ARHGAP19: variants seen among roughly 807,000 people sequenced by gnomAD.
ARHGAP19 encodes Rho GTPase activating protein 19, also known as rho GTPase-activating protein 19.
Under a neutral mutation model 60.9 loss-of-function variants are expected in ARHGAP19, and 48 were observed. The ratio of observed to expected loss-of-function variants is 0.79; its 90% CI spans 0.62 to 1.00. The LOEUF is 1.00. Among genes scored for constraint, ARHGAP19 ranks in the 50% least tolerant of loss-of-function variants. The pLI is 0.00. For missense variants in ARHGAP19, 562 were observed against 597.2 expected (o/e 0.94, Z 0.61); for synonymous variants, 209 against 215.5 (o/e 0.97, Z 0.27).
At chr10:97,243,933 T>G (rs1315671458) in intron 8 of ARHGAP19, 35 bp downstream of exon 8, 19 of 1,547,066 alleles carry the variant, frequency 1.2e-5, no homozygotes, top group Non-Finnish European at 1.7e-5. Flanking sequence ...ATTACACTCC[T>G]AAAGCCCCAT....
intron 1 of ARHGAP19, among the ~76,000 whole-genome samples, chr10:97,285,108 G>A (rs940647659): frequency 4.0e-5 from 6 of 151,364 alleles, no homozygotes; most frequent in East Asian, 2.0e-4. Flanking sequence ...CAGGTGATCC[G>A]CCCGCCTCCG....
intron 6 of ARHGAP19, among the ~76,000 whole-genome samples, chr10:97,251,308 A>G (rs1162245740): frequency 2.7e-5 from 1 of 36,586 alleles, no homozygotes; most frequent in Non-Finnish European, 5.1e-5. Flanking sequence ...GGGAAAAGGA[A>G]GGGAAGGGGA....
chr10:97,240,519 T>A (rs1040039216), intron 8 of ARHGAP19, among the ~76,000 whole-genome samples: 3 of 152,132 alleles, frequency 2.0e-5, no homozygotes, highest in Non-Finnish European at 4.4e-5. Flanking sequence ...GGCATGGTGG[T>A]GCTCCACTAT....
Position 97,265,921 on chromosome 10 carries a change from C to A in ARHGAP19, c.261G>T (p.Leu87Phe). Residue 87 changes from leucine (L) to phenylalanine (F), a missense_variant, in exon 2 of 12, where the codon TTG (leucine) becomes TTT (phenylalanine). Leu to Phe is a conservative substitution (Grantham distance 22). Coordinates refer to ENST00000358531, the MANE Select transcript of ARHGAP19 (RefSeq NM_032900.6). The part of the protein sequence containing the change: ...AQLMGEVDLK[L>F]PGGAGPASGF... Reference sequence around the variant, plus strand: ...CTGATGCTGGGCCAGCCCCGCCAGGCAACTTAAGGTCCACTTCCCCCATCA... The same window carrying A: ...CTGATGCTGGGCCAGCCCCGCCAGGAAACTTAAGGTCCACTTCCCCCATCA... The A allele has an allele frequency of 6.2e-7, 1 of 1,614,118 alleles. No homozygotes were observed. The highest frequency in any genetic ancestry group is 8.5e-7 in the Non-Finnish European group (1 of 1,180,010).
chr10:97,274,293 G>A (rs969434896), intron 1 of ARHGAP19, among the ~76,000 whole-genome samples: 2 of 151,936 alleles, frequency 1.3e-5, no homozygotes, highest in African/African-American at 4.8e-5. Flanking sequence ...GTGAAACCCC[G>A]TCTCTACTAA....
rs370419047 is a variant in ARHGAP19, at chr10:97,265,933, C to A, written c.249G>T (p.Val83=). 14 of 1,613,978 alleles carry A rather than the reference C, an allele frequency of 8.7e-6. No homozygotes were observed. The South Asian group carries it at 1.4e-4, about 16-fold the overall frequency. ...CAGCCCCGCCAGGCAACTTAAGGTC[C>A]ACTTCCCCCATCAGCTGAGCCAACT... ...GTELAQLMGE[V]DLKLPGGAGP... The change falls in exon 2 of 12, where the codon GTG becomes GTT. Residue 83 remains valine (V), a synonymous_variant. Transcript: ENST00000358531.
In ARHGAP19 at chr10:97,233,003, G is replaced by T. The variant is rs780689591; in HGVS notation, c.1284+2214C>A. On this transcript the variant is annotated intron_variant, in intron 9 of 11. Transcript: ENST00000358531. Reference sequence around the variant, plus strand: ...TCTCTACTAAAAATACAAAAAATTAGCCGGGCATGGTGGTGGGCGCCTGTA... The same window carrying T: ...TCTCTACTAAAAATACAAAAAATTATCCGGGCATGGTGGTGGGCGCCTGTA... Among the ~76,000 whole-genome samples the T allele has an allele frequency of 2.2e-4, 34 of 152,144 alleles. 1 individual carries two copies. Among genetic ancestry groups the T allele is most frequent in the Non-Finnish European group, 7.4e-5 (5 of 67,980 alleles).
chr10:97,291,385 T>C (rs1040661389), intron 1 of ARHGAP19, among the ~76,000 whole-genome samples: 5 of 152,196 alleles, frequency 3.3e-5, no homozygotes, highest in African/African-American at 1.2e-4. Context: ...CAATGGCGCA[T>C]CTGGGCTCAC....
chr10:97,289,406 A>C (rs1843200492), intron 1 of ARHGAP19, among the ~76,000 whole-genome samples: 1 of 152,164 alleles, frequency 6.6e-6, no homozygotes, highest in African/African-American at 2.4e-5. Flanking sequence ...GAGCCATCGC[A>C]CCTGGCCCAC....
intron 9 of ARHGAP19, among the ~76,000 whole-genome samples, chr10:97,231,979 G>GTTTTTTTTTT (rs142111578): frequency 9.3e-6 from 1 of 107,866 alleles, no homozygotes; most frequent in Admixed American, 9.2e-5. Flanking sequence ...ATTTTCCGTT[G>GTTTTTTTTTT]TTTTTTTTTT....
chr10:97,257,319 G>A (rs750063087), intron 5 of ARHGAP19, among the ~76,000 whole-genome samples: 3 of 122,738 alleles, frequency 2.4e-5, no homozygotes, highest in Admixed American at 9.8e-5. Flanking sequence ...ATAGGGTCTC[G>A]CTTTGTTACC....
intron 1 of ARHGAP19, chr10:97,270,704 G>T: frequency 6.5e-7 from 1 of 1,534,452 alleles, no homozygotes; most frequent in Non-Finnish European, 8.8e-7. Flanking sequence ...TCCTTTCCCT[G>T]CCCCAGCACA....
At chr10:97,260,046 AG>A (rs1277697597) in intron 4 of ARHGAP19, among the ~76,000 whole-genome samples, 9 of 150,200 alleles carry the variant, frequency 6.0e-5, no homozygotes, top group Non-Finnish European at 1.2e-4. Flanking sequence ...CGTGTTAGTC[AG>A]GATGGTCTCG....
At position 97,246,217 on chromosome 10, in the gene ARHGAP19, T is replaced by C. The variant is rs373843112; in HGVS notation, c.993+55A>G. 5.9e-4 allele frequency: 846 copies of C among 1,434,052 alleles called. 4 individuals are homozygous for C. Among genetic ancestry groups the C allele is most frequent in the Middle Eastern group, 2.5e-3 (14 of 5,702 alleles). 88.8% of individuals were successfully genotyped at this position (1,434,052 alleles called of 1,614,324 possible). A position where few individuals can be genotyped will look rare whatever the true frequency, so the allele number is the denominator to read the frequency against. ...TTGACTTCATACTTTGTTTTAAGACTCCACAAATCTTAATGCTCTCCTTGT... is the reference window on the plus strand; with the variant it reads ...TTGACTTCATACTTTGTTTTAAGACCCCACAAATCTTAATGCTCTCCTTGT... On this transcript the variant is annotated intron_variant, in intron 7 of 11. Coordinates refer to ENST00000358531, the MANE Select transcript of ARHGAP19 (RefSeq NM_032900.6).
At position 97,229,231 on chromosome 10, in the gene ARHGAP19, A is replaced by T; in HGVS notation, c.1396-6T>A. On this transcript the variant is annotated splice_region_variant and splice_polypyrimidine_tract_variant and intron_variant, in intron 10 of 11. Coordinates refer to ENST00000358531, the MANE Select transcript of ARHGAP19 (RefSeq NM_032900.6). ...GCTGGAGAGCCAGAAAATAACTGTA[A>T]TAAGAAAATTGTACAGTGGTTTCAA... is the stretch of plus-strand genomic sequence containing the variant. 1 of 1,610,870 alleles carries T rather than the reference A, an allele frequency of 6.2e-7. No individual in the cohort carries two copies. Among genetic ancestry groups the T allele is most frequent in the South Asian group, 1.1e-5 (1 of 91,028 alleles).
At chr10:97,280,602 A>G (rs972593224) in intron 1 of ARHGAP19, among the ~76,000 whole-genome samples, 27 of 151,242 alleles carry the variant, frequency 1.8e-4, no homozygotes, top group African/African-American at 6.6e-4. Context: ...TTTTTCCCCT[A>G]AGACAGGGTC....
chr10:97,241,561 A>G (rs942796157), intron 8 of ARHGAP19, among the ~76,000 whole-genome samples: 2 of 151,580 alleles, frequency 1.3e-5, no homozygotes, highest in Non-Finnish European at 2.9e-5. Context: ...TAAAAATGCA[A>G]AATTAGTCAG....
chr10:97,262,195 AAAT>A (rs397846713), intron 4 of ARHGAP19, among the ~76,000 whole-genome samples: 31,448 of 97,896 alleles, frequency 0.32, 3,630 homozygotes, highest in Non-Finnish European at 0.4. Context: ...AAAAAAAAAA[AAAT>A]TTTTTTTTTT....
chr10:97,237,869 T>TC (rs1236530794), intron 8 of ARHGAP19, among the ~76,000 whole-genome samples: 2 of 151,050 alleles, frequency 1.3e-5, no homozygotes, highest in African/African-American at 2.4e-5. Context: ...AGACTCTATC[T>TC]CCAAAAAAAA....
Sources: gnomAD v4.1 joint callset for allele counts (sites outside exome capture counted in the v4.1 genomes callset) on GRCh38, gnomAD v4.1.1 for gene constraint, MANE v1.5 for transcripts, NCBI Gene and HGNC (gene_info 2026-07-23, HGNC 2026-07-21) for gene names.